The following AP1S3 variants were observed in gnomAD, a reference collection of about 807,000 sequenced individuals.
The protein encoded by AP1S3 is adaptor related protein complex 1 subunit sigma 3.
A neutral mutation model predicts 20.9 loss-of-function variants in AP1S3; 10 were observed. That is an observed-to-expected ratio of 0.48 (90% CI 0.29 to 0.81). AP1S3 has a LOEUF of 0.81. AP1S3 is among the 30% of genes least tolerant of loss of function. The probability of loss-of-function intolerance (pLI) is 0.08; values close to 1 mark genes in which losing one functional copy is unlikely to be tolerated. For missense variants in AP1S3, 154 were observed against 183.8 expected (o/e 0.84, Z 0.94); for synonymous variants, 41 against 61.5 (o/e 0.67, Z 1.56).
intron 1 of AP1S3, among the ~76,000 whole-genome samples, chr2:223,815,907 C>T (rs767582110): frequency 3.3e-5 from 5 of 152,224 alleles, no homozygotes; most frequent in East Asian, 1.9e-4. Context: ...CCCAGGAGTT[C>T]GAGACCAGCC....
chr2:223,832,629 T>G (rs1231794068), intron 1 of AP1S3, among the ~76,000 whole-genome samples: 1 of 152,138 alleles, frequency 6.6e-6, no homozygotes, highest in Non-Finnish European at 1.5e-5. Context: ...AAACTGGAAC[T>G]TAAATTGCCA....
chr2:223,817,345 A>G (rs7604417), intron 1 of AP1S3, among the ~76,000 whole-genome samples: 48,914 of 151,930 alleles, frequency 0.32, 8,292 homozygotes, highest in Middle Eastern at 0.43. Context: ...GTGGTAGCTC[A>G]TGCCTATAAT....
intron 1 of AP1S3, among the ~76,000 whole-genome samples, chr2:223,826,821 T>G (rs1200426684): frequency 6.6e-6 from 1 of 151,906 alleles, no homozygotes; most frequent in Non-Finnish European, 1.5e-5. Context: ...GCCCAGCTAA[T>G]TTTGAGATGC....
In AP1S3 at chr2:223,776,015, A is replaced by G. The variant is rs749462104; in HGVS notation, c.183-6T>C. The G allele has an allele frequency of 1.2e-6, 2 of 1,610,446 alleles. No individual in the cohort carries two copies. The highest frequency in any genetic ancestry group is 1.7e-5 in the Admixed American group (1 of 59,860). On this transcript the variant is annotated splice_polypyrimidine_tract_variant and splice_region_variant and intron_variant, in intron 2 of 4. Coordinates refer to ENST00000396654, the MANE Select transcript of AP1S3 (RefSeq NM_001039569.2). The stretch of plus-strand genomic sequence containing the variant: ...AAAAATATAAACTAGCATACCTTGA[A>G]ATGAAAAATAACAAAAGCAAAATAT...
intron 3 of AP1S3, among the ~76,000 whole-genome samples, chr2:223,768,042 C>A (rs1690522637): frequency 6.6e-6 from 1 of 152,166 alleles, no homozygotes; most frequent in Admixed American, 6.5e-5. Context: ...GGGCCATTGA[C>A]CACTAATGCT....
At chr2:223,816,233 C>T (rs1180661696) in intron 1 of AP1S3, among the ~76,000 whole-genome samples, 1 of 152,120 alleles carries the variant, frequency 6.6e-6, no homozygotes, top group Non-Finnish European at 1.5e-5. Flanking sequence ...TACTTTATCA[C>T]CAGTTGGGTT....
intron 1 of AP1S3, among the ~76,000 whole-genome samples, chr2:223,808,873 G>A (rs1691645432): frequency 6.6e-6 from 1 of 152,120 alleles, no homozygotes; most frequent in African/African-American, 2.4e-5. Flanking sequence ...GAACATGCCT[G>A]TGGTCCCAGC....
intron 2 of AP1S3, 143 bp downstream of exon 2, chr2:223,777,548 T>G: frequency 4.4e-6 from 3 of 682,014 alleles, no homozygotes; most frequent in Non-Finnish European, 7.1e-6. Context: ...TCTTTTCTAG[T>G]TAGTCTATTG....
intron 3 of AP1S3, among the ~76,000 whole-genome samples, chr2:223,769,926 A>C (rs1690572957): frequency 6.6e-6 from 1 of 151,710 alleles, no homozygotes; most frequent in African/African-American, 2.4e-5. Context: ...TTGTATTTTT[A>C]GTAGAGACGG....
At chr2:223,801,209 T>C (rs947740812) in intron 1 of AP1S3, among the ~76,000 whole-genome samples, 1 of 152,198 alleles carries the variant, frequency 6.6e-6, no homozygotes, top group Non-Finnish European at 1.5e-5. Flanking sequence ...CCATGAGAAG[T>C]AGATACTATT....
intron 2 of AP1S3, 36 bp from the exon 3 acceptor site, chr2:223,776,045 A>C (rs779484957): frequency 2.4e-5 from 37 of 1,533,728 alleles, no homozygotes; most frequent in Non-Finnish European, 3.1e-5. Context: ...AAATATGACA[A>C]TACATTAAGC....
chr2:223,816,545 G>C (rs995193833), intron 1 of AP1S3, among the ~76,000 whole-genome samples: 7 of 152,194 alleles, frequency 4.6e-5, no homozygotes, highest in African/African-American at 1.2e-4. Context: ...ACCGTGGATA[G>C]GGTCCCATAA....
At chr2:223,806,429 G>A (rs1254480103) in intron 1 of AP1S3, among the ~76,000 whole-genome samples, 4 of 151,518 alleles carry the variant, frequency 2.6e-5, no homozygotes, top group East Asian at 3.9e-4. Context: ...GACTACAGGC[G>A]CTCGCCACCA....
chr2:223,763,500 A>C (rs1574684133), intron 4 of AP1S3, among the ~76,000 whole-genome samples: 1 of 149,742 alleles, frequency 6.7e-6, no homozygotes, highest in Non-Finnish European at 1.5e-5. Flanking sequence ...TTAAAAAAAA[A>C]CCTCCACCCC....
At chr2:223,780,341 AGAGAGAGAGAGAGAGAGTGTGTGT>A (rs1559280820) in intron 1 of AP1S3, among the ~76,000 whole-genome samples, 5 of 121,788 alleles carry the variant, frequency 4.1e-5, no homozygotes, top group African/African-American at 1.4e-4. Flanking sequence ...AGAGAGAGAG[AGAGAGAGAGAGAGAGAGTGTGTGT>A]GTGTGTGTGT....
At chr2:223,811,443 C>T (rs1691724428) in intron 1 of AP1S3, among the ~76,000 whole-genome samples, 1 of 151,710 alleles carries the variant, frequency 6.6e-6, no homozygotes. Flanking sequence ...GTGGTGAGCA[C>T]CTGTCATCCC....
chr2:223,795,081 C>A (rs1433033800), intron 1 of AP1S3, among the ~76,000 whole-genome samples: 1 of 152,146 alleles, frequency 6.6e-6, no homozygotes, highest in African/African-American at 2.4e-5. Context: ...GAAACCCCAT[C>A]TCTACTACAA....
rs1157266258 is a variant in AP1S3, at chr2:223,755,853, T to A, written c.*2862A>T. 5.1e-6 allele frequency: 5 copies of A among 985,314 alleles called. No homozygotes were observed. In the East Asian group the frequency reaches 4.5e-4, roughly 89 times the overall value. 61.0% of individuals were successfully genotyped at this position (985,314 alleles called of 1,614,324 possible). On this transcript the variant is annotated 3_prime_UTR_variant, in exon 5 of 5. Coordinates refer to ENST00000396654, the MANE Select transcript of AP1S3 (RefSeq NM_001039569.2). ...AAGAGATATATTTACTTTCTATGTG[T>A]GACACTGATTGAAGTCTGAGAAGCC...
At chr2:223,812,058 T>C (rs894177761) in intron 1 of AP1S3, among the ~76,000 whole-genome samples, 1 of 152,220 alleles carries the variant, frequency 6.6e-6, no homozygotes, top group African/African-American at 2.4e-5. Context: ...CTTCAAAATA[T>C]TGGAATCCAG....
Sources: gnomAD v4.1 joint callset for allele counts (sites outside exome capture counted in the v4.1 genomes callset) on GRCh38, gnomAD v4.1.1 for gene constraint, MANE v1.5 for transcripts, NCBI Gene and HGNC (gene_info 2026-07-23, HGNC 2026-07-21) for gene names.